Variants in PJA2 observed in about 807,000 individuals in gnomAD.
PJA2 encodes the protein E3 ubiquitin-protein ligase Praja-2.
Under a neutral mutation model 69.3 loss-of-function variants are expected in PJA2, and 25 were observed. The observed-to-expected ratio is 0.36, with a 90% CI of 0.26 to 0.50. The LOEUF is 0.50. Ranked by LOEUF, PJA2 falls within the 20% of genes least tolerant of loss-of-function variation. PJA2 has a pLI of 0.96. For missense variants in PJA2, 809 were observed against 830.2 expected (o/e 0.97, Z 0.31); for synonymous variants, 308 against 277.8 (o/e 1.11, Z -1.08).
At chr5:109,341,238 C>T (rs1407930295) in intron 9 of PJA2, among the ~76,000 whole-genome samples, 4 of 147,110 alleles carry the variant, frequency 2.7e-5, no homozygotes, top group African/African-American at 1.0e-4. Context: ...AAGTGAGGAG[C>T]ATCTCTGCCC....
At chr5:109,337,438 A>T in intron 9 of PJA2, 82 bp from the exon 10 acceptor site, 2 of 1,430,864 alleles carry the variant, frequency 1.4e-6, no homozygotes, top group Non-Finnish European at 1.9e-6. Context: ...AAACAGTGTC[A>T]TTATCCTAAT....
chr5:109,394,460 C>A (rs564666351), intron 1 of PJA2, among the ~76,000 whole-genome samples: 35 of 152,284 alleles, frequency 2.3e-4, no homozygotes, highest in Non-Finnish European at 4.4e-4. Context: ...TAAATAGTCA[C>A]TGGAAGAAAA....
intron 4 of PJA2, among the ~76,000 whole-genome samples, chr5:109,372,925 AAG>A (rs1554054549): frequency 1.0e-4 from 14 of 140,076 alleles, no homozygotes; most frequent in African/African-American, 3.5e-4. Context: ...AAAAAAAAAA[AAG>A]AAAGAAAGAA....
chr5:109,350,137 T>C (rs946941219), intron 7 of PJA2, among the ~76,000 whole-genome samples: 2 of 152,220 alleles, frequency 1.3e-5, no homozygotes, highest in Admixed American at 6.5e-5. Context: ...ATCTGCATAT[T>C]TGCAGTGCTA....
chr5:109,409,690 G>A (rs1747785025), intron 1 of PJA2, among the ~76,000 whole-genome samples, 152 bp downstream of exon 1: 1 of 152,054 alleles, frequency 6.6e-6, no homozygotes, highest in African/African-American at 2.4e-5. Flanking sequence ...CACCCACCAT[G>A]GCCGGCGCAG....
At chr5:109,392,929 T>C (rs911393663) in intron 1 of PJA2, among the ~76,000 whole-genome samples, 52 of 111,096 alleles carry the variant, frequency 4.7e-4, no homozygotes, top group African/African-American at 2.0e-3. Context: ...CTTTACAATG[T>C]TGGAGTAAAG....
chr5:109,401,823 C>T (rs1006296717), intron 1 of PJA2, among the ~76,000 whole-genome samples: 1 of 152,176 alleles, frequency 6.6e-6, no homozygotes, highest in African/African-American at 2.4e-5. Context: ...CTTGTACTAA[C>T]TACTTTAAAT....
intron 1 of PJA2, among the ~76,000 whole-genome samples, chr5:109,404,073 A>AAACAAC (rs139131450): frequency 4.7e-5 from 7 of 150,280 alleles, no homozygotes; most frequent in Admixed American, 3.3e-4. Context: ...TCCATCTCAA[A>AAACAAC]AACAACAACA....
intron 6 of PJA2, among the ~76,000 whole-genome samples, chr5:109,361,587 G>C (rs766386995): frequency 2.0e-5 from 3 of 152,150 alleles, no homozygotes; most frequent in Non-Finnish European, 4.4e-5. Context: ...GAATTAATAA[G>C]GAGTGCAGTA....
At chr5:109,406,802 T>C (rs1747701750) in intron 1 of PJA2, among the ~76,000 whole-genome samples, 1 of 152,178 alleles carries the variant, frequency 6.6e-6, no homozygotes, top group Non-Finnish European at 1.5e-5. Context: ...TATCTGTAAA[T>C]AGGTGGAATG....
chr5:109,353,600 A>G (rs895096610), intron 7 of PJA2, among the ~76,000 whole-genome samples: 3 of 142,830 alleles, frequency 2.1e-5, no homozygotes, highest in Admixed American at 7.1e-5. Flanking sequence ...GATATCTATA[A>G]TATCATAGAC....
At chr5:109,388,088 T>G (rs528294274) in intron 1 of PJA2, among the ~76,000 whole-genome samples, 144 of 152,286 alleles carry the variant, frequency 9.5e-4, no homozygotes, top group Non-Finnish European at 1.6e-3. Context: ...GTGTGATGGA[T>G]GTGACTGTGT....
At position 109,382,645 on chromosome 5, in the gene PJA2, C is replaced by T. The variant is rs1230060303; in HGVS notation, c.31+758G>A. The stretch of plus-strand genomic sequence containing the variant: ...GTCGGATCACTTGAGGCCAGGAGTT[C>T]GAGATCAGCCTAGCCAACATGGCGA... On this transcript the variant is annotated intron_variant, in intron 2 of 9. Transcript: ENST00000361189. Among the ~76,000 whole-genome samples the T allele has an allele frequency of 4.6e-5, 7 of 151,568 alleles. 1 individual carries two copies. Among genetic ancestry groups the T allele is most frequent in the African/African-American group, 1.5e-4 (6 of 40,982 alleles).
At chr5:109,387,787 G>C (rs560086759) in intron 1 of PJA2, among the ~76,000 whole-genome samples, 1 of 151,268 alleles carries the variant, frequency 6.6e-6, no homozygotes, top group East Asian at 2.0e-4. Flanking sequence ...GGACATGTAA[G>C]GTACACTTCT....
At chr5:109,383,920 C>A (rs1316572529) in intron 1 of PJA2, among the ~76,000 whole-genome samples, 3 of 152,060 alleles carry the variant, frequency 2.0e-5, no homozygotes, top group African/African-American at 7.2e-5. Context: ...AAAGTGAGAT[C>A]CCGTCCCAAA....
intron 2 of PJA2, 50 bp downstream of exon 2, chr5:109,383,353 C>T: frequency 6.4e-7 from 1 of 1,570,668 alleles, no homozygotes; most frequent in Non-Finnish European, 8.7e-7. Context: ...TCAAGGTACC[C>T]AGAGGAAAAA....
intron 1 of PJA2, among the ~76,000 whole-genome samples, chr5:109,395,480 T>C (rs535142386): frequency 2.6e-5 from 4 of 152,260 alleles, no homozygotes; most frequent in Non-Finnish European, 5.9e-5. Context: ...TAAGCCGTGA[T>C]TGTGCCACTG....
At chr5:109,389,699 T>G (rs1363094022) in intron 1 of PJA2, among the ~76,000 whole-genome samples, 1 of 152,042 alleles carries the variant, frequency 6.6e-6, no homozygotes, top group Non-Finnish European at 1.5e-5. Flanking sequence ...GACTACTGAT[T>G]GTAAACCTTT....
chr5:109,386,036 C>T (rs1424462941), intron 1 of PJA2, among the ~76,000 whole-genome samples: 1 of 151,738 alleles, frequency 6.6e-6, no homozygotes, highest in Non-Finnish European at 1.5e-5. Flanking sequence ...GATTTTGGGG[C>T]CAGGTGCAGT....
Sources: gnomAD v4.1 joint callset for allele counts (sites outside exome capture counted in the v4.1 genomes callset) on GRCh38, gnomAD v4.1.1 for gene constraint, MANE v1.5 for transcripts, NCBI Gene and HGNC (gene_info 2026-07-23, HGNC 2026-07-21) for gene names.